VARS2: variants seen among roughly 807,000 people sequenced by gnomAD.
The protein encoded by VARS2 is valyl-tRNA synthetase 2, mitochondrial, also known as valine--tRNA ligase, mitochondrial.
A neutral mutation model predicts 154.1 loss-of-function variants in VARS2; 105 were observed. That is an observed-to-expected ratio of 0.68 (90% CI 0.58 to 0.80). The LOEUF is 0.80. VARS2 is among the 30% of genes least tolerant of loss of function. VARS2 has a pLI of 0.00. For missense variants in VARS2, 1,157 were observed against 1,361.4 expected, an observed-to-expected ratio of 0.85 and a Z score of 2.36; for synonymous variants, 483 against 539.5, an observed-to-expected ratio of 0.90 and a Z score of 1.45.
At position 30,916,112 on chromosome 6, in the gene VARS2, GCAA is replaced by G. The variant is rs765825998; in HGVS notation, c.574-38_574-36del. 100 of 1,346,362 alleles carry G rather than the reference GCAA, an allele frequency of 7.4e-5. No individual in the cohort carries two copies. The highest frequency in any genetic ancestry group is 2.8e-5 in the Non-Finnish European group (28 of 1,009,152). The allele number at this position is 1,346,362 out of a possible 1,614,324, so 83.4% of individuals were successfully genotyped here. A position where few individuals can be genotyped will look rare whatever the true frequency, so the allele number is the denominator to read the frequency against. On this transcript the variant is annotated intron_variant, in intron 6 of 29. Transcript: ENST00000676266. The surrounding 1 kb of genome is among the most constrained non-coding windows in gnomAD (Gnocchi z 4.0). ...CAATTTCTTCCCCCAAAGCAACCAA[GCAA>G]CCTGACTCTGTTCATTTGCCCTGAA...
chr6:30,917,063 C>G lies in VARS2; in HGVS notation c.754-42C>G, dbSNP rs1794221897. 9 of 1,614,148 alleles carry G rather than the reference C, an allele frequency of 5.6e-6. No homozygotes were observed. In the East Asian group the frequency reaches 2.0e-4, roughly 36 times the overall value. On this transcript the variant is annotated intron_variant, in intron 8 of 29. Coordinates refer to ENST00000676266, the MANE Select transcript of VARS2 (RefSeq NM_020442.6). This position sits in a 1 kb window ranked among gnomAD's most constrained non-coding sequence, Gnocchi z 4.4. The stretch of plus-strand genomic sequence containing the variant: ...CTGGGTCCCTGAGCAGGGTGATGGG[C>G]TGAGAAGTGGCTCTTAGAGGTGGAC...
At position 30,915,153 on chromosome 6, in the gene VARS2, C is replaced by G; in HGVS notation, c.202-3C>G. The stretch of plus-strand genomic sequence containing the variant: ...CCCAGCCTCTTCTGCTTTCTCTTCT[C>G]AGTCACCTGCAGAATCCATTAAGGC... On this transcript the variant is annotated splice_region_variant and splice_polypyrimidine_tract_variant and intron_variant, in intron 2 of 29. Transcript: ENST00000676266. 6.2e-7 allele frequency: 1 copy of G among 1,614,060 alleles called. No individual in the cohort carries two copies. Among genetic ancestry groups the G allele is most frequent in the Non-Finnish European group, 8.5e-7 (1 of 1,179,938 alleles).
At chr6:30,924,077 C>G (rs574829336) in intron 25 of VARS2, 335 of 554,804 alleles carry the variant, frequency 6.0e-4, no homozygotes, top group African/African-American at 4.6e-3. Context: ...AACCTCTGTC[C>G]CCTGTTGATA....
Position 30,924,282 on chromosome 6 carries a change from C to T in VARS2, c.2467-72C>T, listed in dbSNP as rs145081310. The stretch of plus-strand genomic sequence containing the variant: ...CAGGACCCATGGCCTGCCCCACTGG[C>T]GGGTAGCAGTGGCTGTAGGGAGGAG... On this transcript the variant is annotated intron_variant, in intron 25 of 29. Transcript: ENST00000676266. 7.0e-3 allele frequency: 10,786 copies of T among 1,530,212 alleles called. 438 individuals are homozygous for T. The Admixed American group carries it at 0.11, about 16-fold the overall frequency. 94.8% of individuals were successfully genotyped at this position (1,530,212 alleles called of 1,614,324 possible). A position where few individuals can be genotyped will look rare whatever the true frequency, so the allele number is the denominator to read the frequency against.
Position 30,916,208 on chromosome 6 carries a change from C to G in VARS2, c.630C>G (p.Ser210Arg). 1 of 1,613,688 alleles carries G rather than the reference C, an allele frequency of 6.2e-7. No homozygotes were observed. The stretch of plus-strand genomic sequence containing the variant: ...GGGGAGTGAGGAGACATGAGCTGAG[C>G]CGGGAGGCCTTCCTTAGGGAGGTGT... The part of the protein sequence containing the change: ...KERGVRRHEL[S>R]REAFLREVWQ... The change falls in exon 7 of 30, where the codon AGC becomes AGG. Residue 210 changes from serine (S) to arginine (R), a missense_variant. Ser to Arg is a moderately radical substitution (Grantham distance 110). Transcript: ENST00000676266. This position sits in a 1 kb window ranked among gnomAD's most constrained non-coding sequence, Gnocchi z 4.0.
At position 30,924,566 on chromosome 6, in the gene VARS2, TC is replaced by T; in HGVS notation, c.2673+9del. 6.6e-7 allele frequency: 1 copy of T among 1,508,370 alleles called. No homozygotes were observed. The highest frequency in any genetic ancestry group is 8.9e-7 in the Non-Finnish European group (1 of 1,120,968). 93.4% of individuals were successfully genotyped at this position (1,508,370 alleles called of 1,614,324 possible). A position where few individuals can be genotyped will look rare whatever the true frequency, so the allele number is the denominator to read the frequency against. Reference sequence around the variant, plus strand: ...ACCCCAGCGCCTGCAGCTTGGTGAGTCCCAAGCACCTTGGAGTGGGTCTGTG... The same window carrying T: ...ACCCCAGCGCCTGCAGCTTGGTGAGTCCAAGCACCTTGGAGTGGGTCTGTG... On this transcript the variant is annotated splice_region_variant and intron_variant, in intron 26 of 29. Transcript: ENST00000676266.
In VARS2 at chr6:30,921,043, C is replaced by T; in HGVS notation, c.1480-22C>T. ...GGCCGTGCAGGAAGGGCAACATTGTCTAAAGTCCCCTTTCTCTCCAGGCTG... is the reference window on the plus strand; with the variant it reads ...GGCCGTGCAGGAAGGGCAACATTGTTTAAAGTCCCCTTTCTCTCCAGGCTG... On this transcript the variant is annotated intron_variant, in intron 15 of 29. Transcript: ENST00000676266. The surrounding 1 kb of genome is among the most constrained non-coding windows in gnomAD (Gnocchi z 4.6). The T allele has an allele frequency of 1.3e-6, 2 of 1,599,340 alleles. No homozygotes were observed. The highest frequency in any genetic ancestry group is 1.7e-6 in the Non-Finnish European group (2 of 1,172,778).
In VARS2 at chr6:30,926,458, A is replaced by G. The variant is rs564040638; in HGVS notation, c.*248A>G. 95 of 569,340 alleles carry G rather than the reference A, an allele frequency of 1.7e-4. No individual in the cohort carries two copies. The East Asian group carries it at 2.6e-3, about 15-fold the overall frequency. 35.3% of individuals were successfully genotyped at this position (569,340 alleles called of 1,614,324 possible). ...ATTGAGATAAACTTTTGAAATCCCAAACATGTCTGTTTATGGCTCTTTGGT... is the reference window on the plus strand; with the variant it reads ...ATTGAGATAAACTTTTGAAATCCCAGACATGTCTGTTTATGGCTCTTTGGT... On this transcript the variant is annotated 3_prime_UTR_variant, in exon 30 of 30. Transcript: ENST00000676266.
At chr6:30,924,144 C>T in intron 25 of VARS2, 1 of 594,904 alleles carries the variant, frequency 1.7e-6, no homozygotes, top group Non-Finnish European at 3.0e-6. Flanking sequence ...GAAATCCTGT[C>T]CCTGTGTACT....
Position 30,921,836 on chromosome 6 carries a change from G to A in VARS2, c.1736-89G>A. The A allele has an allele frequency of 6.3e-7, 1 of 1,575,048 alleles. No homozygotes were observed. On this transcript the variant is annotated intron_variant, in intron 18 of 29. Transcript: ENST00000676266. This position sits in a 1 kb window ranked among gnomAD's most constrained non-coding sequence, Gnocchi z 4.6. ...AAGGGGACAGCCCTGGTCTCTGGGG[G>A]TGGGGGTTGGCCTAGAATGGTGGCA... is the stretch of plus-strand genomic sequence containing the variant.
At chr6:30,922,839 A>G in intron 22 of VARS2, 59 bp from the exon 23 acceptor site, 1 of 1,581,394 alleles carries the variant, frequency 6.3e-7, no homozygotes, top group Non-Finnish European at 8.6e-7. Context: ...TCTGCAACCC[A>G]GGTCCTGGCC....
rs372430964 is a variant in VARS2, at chr6:30,921,325, C to T, written c.1632+20C>T. The stretch of plus-strand genomic sequence containing the variant: ...GCGCAGGTGGGTAGGAAGAAGCACC[C>T]GGAGGGCCGAGTGTGGCACAGAGCA... On this transcript the variant is annotated intron_variant, in intron 17 of 29. Transcript: ENST00000676266. The surrounding 1 kb of genome is among the most constrained non-coding windows in gnomAD (Gnocchi z 4.6). The T allele has an allele frequency of 8.7e-6, 14 of 1,613,778 alleles. No individual in the cohort carries two copies. Among genetic ancestry groups the T allele is most frequent in the South Asian group, 6.6e-5 (6 of 91,078 alleles).
chr6:30,924,993 G>A (rs1170534369), intron 26 of VARS2, among the ~76,000 whole-genome samples: 1 of 152,132 alleles, frequency 6.6e-6, no homozygotes, highest in Non-Finnish European at 1.5e-5. Flanking sequence ...TACTTATTTG[G>A]TTTTGAGTTT....
rs1377685585 is a variant in VARS2, at chr6:30,924,538, C to A, written c.2651C>A (p.Pro884His). The change falls in exon 26 of 30, where the codon CCC becomes CAC. Residue 884 changes from proline (P) to histidine (H), a missense_variant. Coordinates refer to ENST00000676266, the MANE Select transcript of VARS2 (RefSeq NM_020442.6). ...CPPAPSISVAPYPSACSLEHW... is the reference protein window; with the variant it reads ...CPPAPSISVAHYPSACSLEHW... Reference sequence around the variant, plus strand: ...CCTGCCCCCAGCATCTCGGTTGCCCCCTACCCCAGCGCCTGCAGCTTGGTG... The same window carrying A: ...CCTGCCCCCAGCATCTCGGTTGCCCACTACCCCAGCGCCTGCAGCTTGGTG... 1 of 1,556,426 alleles carries A rather than the reference C, an allele frequency of 6.4e-7. No homozygotes were observed. Among genetic ancestry groups the A allele is most frequent in the African/African-American group, 1.4e-5 (1 of 73,672 alleles).
At chr6:30,915,100 C>T in intron 2 of VARS2, 56 bp from the exon 3 acceptor site, 3 of 1,610,806 alleles carry the variant, frequency 1.9e-6, no homozygotes, top group East Asian at 2.2e-5. Flanking sequence ...AGGAGACCGG[C>T]TGAAATGCAG....
Position 30,916,480 on chromosome 6 carries a change from TTATATA to T in VARS2, c.671+243_671+248del, listed in dbSNP as rs145049694. The T allele has an allele frequency of 7.2e-3, 2,065 of 287,070 alleles. 49 individuals are homozygous for T. The highest frequency in any genetic ancestry group is 0.031 in the Middle Eastern group (30 of 978). The allele number at this position is 287,070 out of a possible 1,614,324, so 17.8% of individuals were successfully genotyped here. On this transcript the variant is annotated intron_variant, in intron 7 of 29. Transcript: ENST00000676266. This position sits in a 1 kb window ranked among gnomAD's most constrained non-coding sequence, Gnocchi z 4.0. ...TGTGTGTGTGTGTGTGTGTGTGTATTTATATATATATATATATTTTCTTTCTCTTTA... is the reference window on the plus strand; with the variant it reads ...TGTGTGTGTGTGTGTGTGTGTGTATTTATATATATATTTTCTTTCTCTTTA...
chr6:30,921,380 C>A lies in VARS2; in HGVS notation c.1632+75C>A. 6.4e-7 allele frequency: 1 copy of A among 1,563,038 alleles called. No homozygotes were observed. The highest frequency in any genetic ancestry group is 8.8e-7 in the Non-Finnish European group (1 of 1,137,032). The stretch of plus-strand genomic sequence containing the variant: ...GCCCAGGAGTCAGAGCTCCGCAGGG[C>A]CAAGTCCCGCTCCTGCCTGGTCATG... On this transcript the variant is annotated intron_variant, in intron 17 of 29. Transcript: ENST00000676266. The surrounding 1 kb of genome is among the most constrained non-coding windows in gnomAD (Gnocchi z 4.6).
Position 30,921,567 on chromosome 6 carries a change from C to T in VARS2, c.1633-22C>T, listed in dbSNP as rs1444535990. 6.3e-7 allele frequency: 1 copy of T among 1,590,342 alleles called. No individual in the cohort carries two copies. Among genetic ancestry groups the T allele is most frequent in the Admixed American group, 1.8e-5 (1 of 54,508 alleles). ...GTCAGCTGTTCTTCCTCACTCTCCC[C>T]AACCCCTTCCTACTTTTGCAGGGAG... On this transcript the variant is annotated intron_variant, in intron 17 of 29. Coordinates refer to ENST00000676266, the MANE Select transcript of VARS2 (RefSeq NM_020442.6). The surrounding 1 kb of genome is among the most constrained non-coding windows in gnomAD (Gnocchi z 4.6).
At chr6:30,925,514 C>A (rs375181373) in intron 27 of VARS2, 30 bp from the exon 28 acceptor site, 2 of 1,560,614 alleles carry the variant, frequency 1.3e-6, no homozygotes, top group East Asian at 4.5e-5. Flanking sequence ...GGAGCTGAGG[C>A]CTTGCCCCTG....
Sources: allele counts gnomAD v4.1 joint callset (sites outside exome capture counted in the v4.1 genomes callset), GRCh38; gene constraint gnomAD v4.1.1; non-coding constraint Gnocchi (gnomAD v3.1); transcripts MANE v1.5; gene names NCBI Gene and HGNC (gene_info 2026-07-23, HGNC 2026-07-21).